Variants in SCGB1D2 observed in about 807,000 individuals in gnomAD.
SCGB1D2 encodes the protein secretoglobin family 1D member 2.
SCGB1D2 carries 10 observed loss-of-function variants against 10.5 expected under a neutral mutation model. The observed-to-expected ratio is 0.95, with a 90% CI of 0.59 to 1.61. SCGB1D2 has a LOEUF of 1.61. Ranked by LOEUF, SCGB1D2 falls within the 40% of genes most tolerant of loss-of-function variation. SCGB1D2 has a pLI of 0.00. For missense variants in SCGB1D2, 113 were observed against 103.8 expected, an observed-to-expected ratio of 1.09 and a Z score of -0.38; for synonymous variants, 42 against 42.8, an observed-to-expected ratio of 0.98 and a Z score of 0.08.
chr11:62,243,459 C>T lies in SCGB1D2; in HGVS notation c.226C>T (p.Leu76Phe), dbSNP rs1242776624. The change falls in exon 2 of 3, where the codon CTC becomes TTC. Residue 76 changes from leucine to phenylalanine, a missense_variant. Transcript: ENST00000244926. ...TDQMSLQKRS[L>F]IAEVLVKILK... ...TCAGATGTCCCTTCAGAAACGAAGC[C>T]TCATTGCGGAAGTCCTGGTAACTTC... 5 of 1,613,066 alleles carry T rather than the reference C, an allele frequency of 3.1e-6. No individual in the cohort carries two copies. The highest frequency in any genetic ancestry group is 1.6e-4 in the Middle Eastern group (1 of 6,080).
chr11:62,243,868 T>G (rs993156975), intron 2 of SCGB1D2, among the ~76,000 whole-genome samples: 11 of 151,966 alleles, frequency 7.2e-5, no homozygotes, highest in African/African-American at 2.7e-4. Flanking sequence ...CTGGGGAGCA[T>G]GGGAGCCTTG....
chr11:62,243,426 T>G lies in SCGB1D2; in HGVS notation c.193T>G (p.Cys65Gly). Residue 65 changes from cysteine (C) to glycine (G), a missense_variant, in exon 2 of 3, where the codon TGC becomes GGC. Transcript: ENST00000244926. ...TGCAGCCAAGTTAGGAGTGAAGAGATGCACGGATCAGATGTCCCTTCAGAA... is the reference window on the plus strand; with the variant it reads ...TGCAGCCAAGTTAGGAGTGAAGAGAGGCACGGATCAGATGTCCCTTCAGAA... Reference protein sequence around the residue: ...AVAAKLGVKRCTDQMSLQKRS... With the variant: ...AVAAKLGVKRGTDQMSLQKRS... 4 of 1,614,146 alleles carry G rather than the reference T, an allele frequency of 2.5e-6. No homozygotes were observed. The highest frequency in any genetic ancestry group is 3.4e-6 in the Non-Finnish European group (4 of 1,179,996).
intron 1 of SCGB1D2, 73 bp downstream of exon 1, chr11:62,242,435 C>A (rs1030358274): frequency 1.9e-5 from 29 of 1,511,958 alleles, no homozygotes; most frequent in Non-Finnish European, 2.5e-5. Flanking sequence ...GTCACCTATT[C>A]AGGCTGGGGT....
intron 2 of SCGB1D2, among the ~76,000 whole-genome samples, chr11:62,243,722 A>C (rs1945084824): frequency 1.3e-5 from 2 of 152,008 alleles, no homozygotes; most frequent in Admixed American, 1.3e-4. Flanking sequence ...ATGTCCCCAG[A>C]GTGTGCTGAG....
In SCGB1D2 at chr11:62,243,403, C is replaced by T. The variant is rs146321572; in HGVS notation, c.170C>T (p.Ala57Val). ...TTTGATGCCCCTCCGGAAGCTGTTG[C>T]AGCCAAGTTAGGAGTGAAGAGATGC... is the stretch of plus-strand genomic sequence containing the variant. ...AKFDAPPEAV[A>V]AKLGVKRCTD... Residue 57 changes from alanine to valine, a missense_variant, in exon 2 of 3, where the codon GCA (alanine) becomes GTA (valine). Transcript: ENST00000244926. 7.2e-5 allele frequency: 117 copies of T among 1,614,132 alleles called. 1 individual carries two copies. The African/African-American group carries it at 1.3e-3, about 18-fold the overall frequency.
chr11:62,244,048 C>T (rs988836219), intron 2 of SCGB1D2, among the ~76,000 whole-genome samples: 3 of 152,146 alleles, frequency 2.0e-5, no homozygotes, highest in Non-Finnish European at 4.4e-5. Context: ...CATGGCCAGT[C>T]GTCCAAGACC....
intron 2 of SCGB1D2, among the ~76,000 whole-genome samples, chr11:62,243,981 C>G (rs2134755525): frequency 6.6e-6 from 1 of 152,176 alleles, no homozygotes; most frequent in South Asian, 2.1e-4. Context: ...CAGGAAGGAG[C>G]CCCTCCCAGC....
chr11:62,243,264 C>A lies in SCGB1D2; in HGVS notation c.56-25C>A, dbSNP rs149382798. 165 of 1,599,884 alleles carry A rather than the reference C, an allele frequency of 1.0e-4. No homozygotes were observed. The African/African-American group carries it at 2.1e-3, about 20-fold the overall frequency. On this transcript the variant is annotated intron_variant, in intron 1 of 2. Coordinates refer to ENST00000244926, the MANE Select transcript of SCGB1D2 (RefSeq NM_006551.4). The stretch of plus-strand genomic sequence containing the variant: ...GAAAAATCGACTTTCCTAACATCAA[C>A]TATATTTTTATTCTTTTGCTGCAGC...
rs2232954 is a variant in SCGB1D2, at chr11:62,244,771, G to T, written c.*72G>T. Reference sequence around the variant, plus strand: ...CTGATCTTCACTGCAGAATGTAAAGGTTTCAACGTCTTGCTTTAATAAATC... The same window carrying T: ...CTGATCTTCACTGCAGAATGTAAAGTTTTCAACGTCTTGCTTTAATAAATC... On this transcript the variant is annotated 3_prime_UTR_variant, in exon 3 of 3. Transcript: ENST00000244926. The T allele has an allele frequency of 9.3e-6, 12 of 1,291,308 alleles. No individual in the cohort carries two copies. The African/African-American group carries it at 1.0e-4, about 11-fold the overall frequency. 80.0% of individuals were successfully genotyped at this position (1,291,308 alleles called of 1,614,324 possible). A position where few individuals can be genotyped will look rare whatever the true frequency, so the allele number is the denominator to read the frequency against.
intron 2 of SCGB1D2, among the ~76,000 whole-genome samples, chr11:62,244,196 C>A (rs1945089883): frequency 6.6e-6 from 1 of 152,178 alleles, no homozygotes; most frequent in Admixed American, 6.5e-5. Flanking sequence ...TGCAAATGCT[C>A]ATGGAAGCTG....
In SCGB1D2 at chr11:62,244,736, C is replaced by G; in HGVS notation, c.*37C>G. The G allele has an allele frequency of 6.4e-7, 1 of 1,553,088 alleles. No homozygotes were observed. Among genetic ancestry groups the G allele is most frequent in the Middle Eastern group, 1.7e-4 (1 of 5,936 alleles). Reference sequence around the variant, plus strand: ...TTTCATCCTGGTTTCCACTGTCTTTCAATGACACCCTGATCTTCACTGCAG... The same window carrying G: ...TTTCATCCTGGTTTCCACTGTCTTTGAATGACACCCTGATCTTCACTGCAG... On this transcript the variant is annotated 3_prime_UTR_variant, in exon 3 of 3. Coordinates refer to ENST00000244926, the MANE Select transcript of SCGB1D2 (RefSeq NM_006551.4).
At chr11:62,243,857 C>A (rs1288248665) in intron 2 of SCGB1D2, among the ~76,000 whole-genome samples, 5 of 152,138 alleles carry the variant, frequency 3.3e-5, no homozygotes, top group Non-Finnish European at 7.4e-5. Context: ...TGTGGAATGT[C>A]CTGGGGAGCA....
intron 2 of SCGB1D2, 32 bp from the exon 3 acceptor site, chr11:62,244,638 A>T: frequency 6.2e-7 from 1 of 1,607,662 alleles, no homozygotes; most frequent in Non-Finnish European, 8.5e-7. Context: ...AGCATGACTG[A>T]CCCCACCTTC....
At chr11:62,242,758 T>C (rs1945073987) in intron 1 of SCGB1D2, among the ~76,000 whole-genome samples, 1 of 152,140 alleles carries the variant, frequency 6.6e-6, no homozygotes, top group African/African-American at 2.4e-5. Context: ...GGAGAGGCTA[T>C]GAGAATGGAG....
intron 1 of SCGB1D2, among the ~76,000 whole-genome samples, chr11:62,242,689 G>T (rs1311024070): frequency 1.3e-5 from 2 of 152,158 alleles, no homozygotes; most frequent in Non-Finnish European, 1.5e-5. Flanking sequence ...TTTGACCTTG[G>T]GCACAATGCT....
At chr11:62,242,469 T>A (rs1211477404) in intron 1 of SCGB1D2, 107 bp downstream of exon 1, 1 of 1,094,564 alleles carries the variant, frequency 9.1e-7, no homozygotes, top group African/African-American at 1.6e-5. Flanking sequence ...AAACCAAAAT[T>A]CCAAACCTTT....
Position 62,244,730 on chromosome 11 carries a change from G to C in SCGB1D2, c.*31G>C, listed in dbSNP as rs761281710. 5.1e-6 allele frequency: 8 copies of C among 1,579,010 alleles called. No individual in the cohort carries two copies. In the South Asian group the frequency reaches 5.5e-5, roughly 11 times the overall value. ...AAAAACTTTCATCCTGGTTTCCACTGTCTTTCAATGACACCCTGATCTTCA... is the reference window on the plus strand; with the variant it reads ...AAAAACTTTCATCCTGGTTTCCACTCTCTTTCAATGACACCCTGATCTTCA... On this transcript the variant is annotated 3_prime_UTR_variant, in exon 3 of 3. Coordinates refer to ENST00000244926, the MANE Select transcript of SCGB1D2 (RefSeq NM_006551.4).
rs2232947 is a variant in SCGB1D2 at position 62,242,319 on chromosome 11, G to T, written c.12G>T (p.Ser4=). The change falls in exon 1 of 3, where the codon TCG becomes TCT. Residue 4 remains serine, a synonymous_variant. Coordinates refer to ENST00000244926, the MANE Select transcript of SCGB1D2 (RefSeq NM_006551.4). MKL[S]VCLLLVTLAL... ...CAAAACAAGCCACCATGAAGCTGTCGGTGTGTCTCCTGCTGGTCACGCTGG... is the reference window on the plus strand; with the variant it reads ...CAAAACAAGCCACCATGAAGCTGTCTGTGTGTCTCCTGCTGGTCACGCTGG... 10,897 of 1,614,016 alleles carry T rather than the reference G, an allele frequency of 6.8e-3. 683 individuals carry two copies. In the African/African-American group the frequency reaches 0.13, roughly 20 times the overall value.
In SCGB1D2 at chr11:62,243,477, G is replaced by C. The variant is rs539667412; in HGVS notation, c.243+1G>C. On this transcript the variant is annotated splice_donor_variant, in intron 2 of 2. Coordinates refer to ENST00000244926, the MANE Select transcript of SCGB1D2 (RefSeq NM_006551.4). LOFTEE classifies it high-confidence loss of function. ...ACGAAGCCTCATTGCGGAAGTCCTG[G>C]TAACTTCTTTCTCCTTTATTTGTTA... The C allele has an allele frequency of 6.2e-7, 1 of 1,611,212 alleles. No homozygotes were observed. The highest frequency in any genetic ancestry group is 1.1e-5 in the South Asian group (1 of 90,588).
Sources: gnomAD v4.1 joint callset for allele counts (sites outside exome capture counted in the v4.1 genomes callset) on GRCh38, gnomAD v4.1.1 for gene constraint, MANE v1.5 for transcripts, NCBI Gene and HGNC (gene_info 2026-07-23, HGNC 2026-07-21) for gene names.